GOLGB1: variants seen among roughly 807,000 people sequenced by gnomAD.
GOLGB1 encodes golgin subfamily B member 1.
A neutral mutation model predicts 336.9 loss-of-function variants in GOLGB1; 174 were observed. The observed-to-expected ratio is 0.52, with a 90% CI of 0.46 to 0.59. The LOEUF (loss-of-function observed/expected upper bound fraction) is 0.59. GOLGB1 is among the 20% of genes least tolerant of loss of function. The pLI is 0.00. For synonymous variants in GOLGB1, 1,208 were observed against 1,289.2 expected (o/e 0.94, Z 1.35); for missense variants, 3,331 against 3,645.3 (o/e 0.91, Z 2.22).
chr3:121,705,962 G>C (rs1038908829), intron 10 of GOLGB1, among the ~76,000 whole-genome samples: 59 of 152,070 alleles, frequency 3.9e-4, no homozygotes, highest in Non-Finnish European at 1.0e-4. Flanking sequence ...GGATCTGAAA[G>C]GACCAAGTTT....
rs1941131162 is a variant in GOLGB1 at position 121,681,999 on chromosome 3, T to TCACTGCAA, written c.8695-142_8695-135dup. On this transcript the variant is annotated intron_variant, in intron 14 of 21. Coordinates refer to ENST00000614479, the MANE Select transcript of GOLGB1 (RefSeq NM_001366282.2). ...CACCTAACAGTCCACTGATGACATA[T>TCACTGCAA]CACTGCAACATAAGTCTCTAAAGTA... The TCACTGCAA allele has an allele frequency of 4.6e-6, 3 of 645,618 alleles. No homozygotes were observed. The East Asian group carries it at 8.1e-5, about 17-fold the overall frequency. The allele number at this position is 645,618 out of a possible 1,614,324, so 40.0% of individuals were successfully genotyped here.
At position 121,694,457 on chromosome 3, in the gene GOLGB1, TTTTTC is replaced by T. The variant is rs763308985; in HGVS notation, c.6061_6065del (p.Glu2021ThrfsTer19). The stretch of plus-strand genomic sequence containing the variant: ...TCTGTAGCTGCTTTACTTCTTGTTG[TTTTTC>T]TTTTAACAGTTCCTGAAGTTCCTTT... On this transcript the variant is annotated frameshift_variant, in exon 13 of 22. Transcript: ENST00000614479. LOFTEE classifies it high-confidence loss of function. 3 of 1,612,848 alleles carry T rather than the reference TTTTTC, an allele frequency of 1.9e-6. No homozygotes were observed. Among genetic ancestry groups the T allele is most frequent in the Non-Finnish European group, 2.5e-6 (3 of 1,179,848 alleles).
Position 121,669,355 on chromosome 3 carries a change from A to ACT in GOLGB1, c.9178-2_9178-1dup (p.Phe3060SerfsTer34). The ACT allele has an allele frequency of 6.2e-7, 1 of 1,613,492 alleles. No individual in the cohort carries two copies. ...TTTTTCTCTTCCAGTAGCTGAGAGA[A>ACT]CTGAAACAGAGGCGAGGATAAGCAT... On this transcript the variant is annotated frameshift_variant and splice_region_variant. Transcript: ENST00000614479. LOFTEE classifies it high-confidence loss of function.
At chr3:121,718,124 T>C (rs1944914670) in intron 8 of GOLGB1, among the ~76,000 whole-genome samples, 1 of 152,076 alleles carries the variant, frequency 6.6e-6, no homozygotes, top group South Asian at 2.1e-4. Context: ...CTAGATAAAC[T>C]AGGACCCTAG....
intron 2 of GOLGB1, chr3:121,730,303 A>G: frequency 3.7e-6 from 1 of 273,184 alleles, no homozygotes; most frequent in Non-Finnish European, 6.9e-6. Flanking sequence ...TAAGGGTAAA[A>G]GGCCAAAAGT....
intron 14 of GOLGB1, among the ~76,000 whole-genome samples, chr3:121,684,538 G>A (rs1308584334): frequency 6.6e-6 from 1 of 152,024 alleles, no homozygotes; most frequent in Non-Finnish European, 1.5e-5. Context: ...GAGGGAAGGT[G>A]GGGTGAGGGG....
At chr3:121,674,275 A>G (rs1478662824) in intron 17 of GOLGB1, among the ~76,000 whole-genome samples, 2 of 151,864 alleles carry the variant, frequency 1.3e-5, no homozygotes, top group Non-Finnish European at 2.9e-5. Flanking sequence ...TGCTCTAGCT[A>G]GGGTATCTAA....
At chr3:121,681,609 AT>A in intron 15 of GOLGB1, 77 bp downstream of exon 15, 3 of 1,044,424 alleles carry the variant, frequency 2.9e-6, no homozygotes, top group Non-Finnish European at 2.8e-6. Context: ...TCTCTGCACT[AT>A]TTTCCCAAAT....
rs1560231224 is a variant in GOLGB1, at chr3:121,695,665, ACT to A, written c.4856_4857del (p.Glu1619ValfsTer2). The A allele has an allele frequency of 1.2e-6, 2 of 1,612,552 alleles. No homozygotes were observed. Among genetic ancestry groups the A allele is most frequent in the Non-Finnish European group, 1.7e-6 (2 of 1,179,892 alleles). On this transcript the variant is annotated frameshift_variant, in exon 13 of 22. Coordinates refer to ENST00000614479, the MANE Select transcript of GOLGB1 (RefSeq NM_001366282.2). LOFTEE classifies it high-confidence loss of function. ...WQEKHKELQK[E>X]YEILLQSYEN... Reference sequence around the variant, plus strand: ...TCATAGGACTGCAGAAGAATTTCATACTCTTTTTGTAGCTCCTTGTGTTTCTC... The same window carrying A: ...TCATAGGACTGCAGAAGAATTTCATACTTTTTGTAGCTCCTTGTGTTTCTC...
intron 1 of GOLGB1, among the ~76,000 whole-genome samples, chr3:121,731,576 A>G (rs1946122329): frequency 6.6e-6 from 1 of 152,064 alleles, no homozygotes; most frequent in African/African-American, 2.4e-5. Context: ...CCACTTGTTC[A>G]AATAAACTCC....
At chr3:121,706,163 A>G (rs772983314) in intron 10 of GOLGB1, among the ~76,000 whole-genome samples, 16 of 152,054 alleles carry the variant, frequency 1.1e-4, no homozygotes, top group Non-Finnish European at 1.9e-4. Context: ...TTAAAAGCCC[A>G]TTAATGAGTT....
At chr3:121,742,643 C>T (rs949173706) in intron 1 of GOLGB1, among the ~76,000 whole-genome samples, 4 of 152,158 alleles carry the variant, frequency 2.6e-5, no homozygotes, top group African/African-American at 9.7e-5. Flanking sequence ...TAAAGAGCTT[C>T]TGCACAGCAA....
chr3:121,713,917 C>T (rs1029198640), intron 10 of GOLGB1, among the ~76,000 whole-genome samples: 3 of 152,106 alleles, frequency 2.0e-5, no homozygotes, highest in Admixed American at 6.5e-5. Context: ...GATGGATGGG[C>T]AGAGGGATGA....
chr3:121,688,455 C>T (rs6775634), intron 14 of GOLGB1, among the ~76,000 whole-genome samples: 19,208 of 152,260 alleles, frequency 0.13, 1,430 homozygotes, highest in African/African-American at 0.19. Context: ...CCCGAGGTGC[C>T]GGGATTGCAG....
chr3:121,745,089 T>G (rs1324975628), intron 1 of GOLGB1, among the ~76,000 whole-genome samples: 1 of 152,140 alleles, frequency 6.6e-6, no homozygotes, highest in African/African-American at 2.4e-5. Flanking sequence ...TGTAGGCTTT[T>G]GGTAGCTCAA....
chr3:121,697,588 T>A lies in GOLGB1; in HGVS notation c.2935A>T (p.Lys979Ter), dbSNP rs777727147. 2.5e-6 allele frequency: 4 copies of A among 1,613,716 alleles called. No homozygotes were observed. The highest frequency in any genetic ancestry group is 3.4e-6 in the Non-Finnish European group (4 of 1,179,960). ...TCAAATTCATGCTGAAGTTCTTCCT[T>A]ACTTATTTGTCCTGCTGGGCTCATC... ...DEMSPAGQIS[K>*]EELQHEFDLL... Residue 979 changes from lysine to a stop codon, truncating the protein, a stop_gained, in exon 13 of 22, where the codon AAG becomes TAG. Coordinates refer to ENST00000614479, the MANE Select transcript of GOLGB1 (RefSeq NM_001366282.2). LOFTEE classifies it high-confidence loss of function.
In GOLGB1 at chr3:121,686,757, G is replaced by A. The variant is rs1014611831; in HGVS notation, c.8694+3913C>T. The stretch of plus-strand genomic sequence containing the variant: ...AGGCAAAAGACAATCAGGCAATCAC[G>A]AAATGTAAGAAGAGGATCTGAGCTC... On this transcript the variant is annotated intron_variant, in intron 14 of 21. Transcript: ENST00000614479. 1.1e-4 allele frequency among the ~76,000 whole-genome samples: 16 copies of A among 152,228 alleles called. No homozygotes were observed. The East Asian group carries it at 2.1e-3, about 20-fold the overall frequency.
chr3:121,711,643 A>G (rs1944366002), intron 10 of GOLGB1, among the ~76,000 whole-genome samples: 1 of 152,222 alleles, frequency 6.6e-6, no homozygotes, highest in African/African-American at 2.4e-5. Context: ...TATCAAGGTC[A>G]CAGAATATAA....
At chr3:121,678,638 G>C (rs748901116) in intron 15 of GOLGB1, among the ~76,000 whole-genome samples, 12 of 151,852 alleles carry the variant, frequency 7.9e-5, no homozygotes, top group Admixed American at 1.3e-4. Context: ...CATGATGTTG[G>C]CTCACTGCAA....
Sources: allele counts gnomAD v4.1 joint callset (sites outside exome capture counted in the v4.1 genomes callset), GRCh38; gene constraint gnomAD v4.1.1; transcripts MANE v1.5; gene names NCBI Gene and HGNC (gene_info 2026-07-23, HGNC 2026-07-21).